The following SULF1 variants were observed in gnomAD, a reference collection of about 807,000 sequenced individuals.
SULF1 encodes extracellular sulfatase Sulf-1.
A neutral mutation model predicts 110.5 loss-of-function variants in SULF1; 46 were observed. The observed-to-expected ratio is 0.42, with a 90% CI of 0.33 to 0.53. The LOEUF (loss-of-function observed/expected upper bound fraction) is 0.53. Among genes scored for constraint, SULF1 ranks in the 20% least tolerant of loss-of-function variants. The pLI is 0.12. For missense variants in SULF1, 941 were observed against 1,094.2 expected, an observed-to-expected ratio of 0.86 and a Z score of 1.98; for synonymous variants, 371 against 387.1, an observed-to-expected ratio of 0.96 and a Z score of 0.49.
chr8:69,536,078 T>G (rs1300153451), intron 3 of SULF1, among the ~76,000 whole-genome samples: 1 of 152,062 alleles, frequency 6.6e-6, no homozygotes, highest in Non-Finnish European at 1.5e-5. Context: ...TTTTTCATGG[T>G]GAATGTCACT....
intron 3 of SULF1, among the ~76,000 whole-genome samples, chr8:69,559,889 T>G (rs1289299973): frequency 1.3e-5 from 2 of 152,178 alleles, no homozygotes; most frequent in East Asian, 1.9e-4. Context: ...TTTTTTTTGT[T>G]GTTGTTTTTG....
chr8:69,533,985 C>A (rs1813276246), intron 3 of SULF1, among the ~76,000 whole-genome samples: 2 of 152,100 alleles, frequency 1.3e-5, no homozygotes, highest in South Asian at 2.1e-4. Context: ...ACTATTTTTC[C>A]TGGCTTAAGG....
At chr8:69,501,348 T>C (rs557474700) in intron 2 of SULF1, among the ~76,000 whole-genome samples, 1 of 152,336 alleles carries the variant, frequency 6.6e-6, no homozygotes, top group African/African-American at 2.4e-5. Context: ...TTCAAAGTGT[T>C]CAAATTTATT....
chr8:69,571,940 AC>A (rs1805263653), intron 5 of SULF1, among the ~76,000 whole-genome samples: 1 of 152,164 alleles, frequency 6.6e-6, no homozygotes, highest in South Asian at 2.1e-4. Context: ...ATCTGTCTCT[AC>A]CCAGAGAATC....
chr8:69,482,180 A>G (rs1809541820), intron 1 of SULF1, among the ~76,000 whole-genome samples: 1 of 152,206 alleles, frequency 6.6e-6, no homozygotes, highest in Non-Finnish European at 1.5e-5. Context: ...TGAGGGCATC[A>G]GACTCTTTTG....
chr8:69,608,102 A>G (rs1808371406), intron 13 of SULF1, among the ~76,000 whole-genome samples: 1 of 152,222 alleles, frequency 6.6e-6, no homozygotes. Context: ...TGCATGAGGT[A>G]AGTCAACAGA....
In SULF1 at chr8:69,576,216, G is replaced by C. The variant is rs761830132; in HGVS notation, c.412+7G>C. 6.2e-7 allele frequency: 1 copy of C among 1,612,634 alleles called. No homozygotes were observed. Among genetic ancestry groups the C allele is most frequent in the East Asian group, 2.2e-5 (1 of 44,846 alleles). ...AACACTGGCTACAGAACAGGTAAGGGATGACGTTTCTAGCCCATGAACGTC... is the reference window on the plus strand; with the variant it reads ...AACACTGGCTACAGAACAGGTAAGGCATGACGTTTCTAGCCCATGAACGTC... On this transcript the variant is annotated splice_region_variant and intron_variant, in intron 6 of 22. Transcript: ENST00000402687.
At chr8:69,629,373 A>G in intron 18 of SULF1, 131 bp from the exon 19 acceptor site, 1 of 936,418 alleles carries the variant, frequency 1.1e-6, no homozygotes, top group Non-Finnish European at 1.6e-6. Flanking sequence ...GTCCCTCTAT[A>G]CAAAATGAAG....
At chr8:69,648,149 A>G (rs577658154) in intron 22 of SULF1, among the ~76,000 whole-genome samples, 1 of 151,660 alleles carries the variant, frequency 6.6e-6, no homozygotes, top group East Asian at 1.9e-4. Flanking sequence ...GAAAAAAAAA[A>G]AAAACAAAGA....
intron 6 of SULF1, among the ~76,000 whole-genome samples, chr8:69,581,809 G>C (rs932450577): frequency 1.3e-5 from 2 of 152,116 alleles, no homozygotes; most frequent in African/African-American, 4.8e-5. Flanking sequence ...GATTACAAAC[G>C]AGTCTCAATG....
At chr8:69,485,198 A>T (rs1809655628) in intron 1 of SULF1, among the ~76,000 whole-genome samples, 1 of 152,186 alleles carries the variant, frequency 6.6e-6, no homozygotes, top group Non-Finnish European at 1.5e-5. Context: ...ATTTATTTGC[A>T]TAAATTTTCC....
chr8:69,536,047 G>A (rs962336169), intron 3 of SULF1, among the ~76,000 whole-genome samples: 5 of 151,722 alleles, frequency 3.3e-5, no homozygotes, highest in Non-Finnish European at 7.4e-5. Context: ...ATCCCTGCAA[G>A]CAATCACCAG....
chr8:69,600,823 A>C, intron 9 of SULF1, 70 bp downstream of exon 9: 1 of 1,508,976 alleles, frequency 6.6e-7, no homozygotes, highest in Non-Finnish European at 8.9e-7. Flanking sequence ...ATTCTTGCCA[A>C]TCCTGTTTGG....
chr8:69,516,557 C>G (rs1252615221), intron 3 of SULF1, among the ~76,000 whole-genome samples: 1 of 152,174 alleles, frequency 6.6e-6, no homozygotes, highest in Non-Finnish European at 1.5e-5. Context: ...TATCATACCT[C>G]TTGGATGAGA....
At chr8:69,646,730 C>G (rs75216294) in intron 22 of SULF1, among the ~76,000 whole-genome samples, 6,798 of 152,196 alleles carry the variant, frequency 0.045, 516 homozygotes, top group African/African-American at 0.16. Flanking sequence ...CTACACTATA[C>G]TGATTCTCTT....
At chr8:69,574,303 A>G (rs561137640) in intron 5 of SULF1, among the ~76,000 whole-genome samples, 1 of 152,228 alleles carries the variant, frequency 6.6e-6, no homozygotes, top group Non-Finnish European at 1.5e-5. Context: ...ATTTCTCTTC[A>G]TGCCAGGAAA....
At chr8:69,615,659 CG>C (rs1168742919) in intron 13 of SULF1, among the ~76,000 whole-genome samples, 1 of 152,084 alleles carries the variant, frequency 6.6e-6, no homozygotes, top group Non-Finnish European at 1.5e-5. Context: ...TATTTGATTT[CG>C]TATGATACAT....
chr8:69,655,581 A>G (rs1250918478), intron 22 of SULF1, among the ~76,000 whole-genome samples: 1 of 151,152 alleles, frequency 6.6e-6, no homozygotes, highest in African/African-American at 2.4e-5. Context: ...CTTTTTTGGT[A>G]TTTTTAATAG....
At chr8:69,598,689 GC>G (rs1373634366) in intron 8 of SULF1, among the ~76,000 whole-genome samples, 2 of 152,168 alleles carry the variant, frequency 1.3e-5, no homozygotes. Context: ...ACCATGGCTG[GC>G]CCAAAACAGC....
Sources: allele counts gnomAD v4.1 joint callset (sites outside exome capture counted in the v4.1 genomes callset), GRCh38; gene constraint gnomAD v4.1.1; transcripts MANE v1.5; gene names NCBI Gene and HGNC (gene_info 2026-07-23, HGNC 2026-07-21).